The following TENM2 variants were observed in gnomAD, a reference collection of about 807,000 sequenced individuals.
TENM2 encodes teneurin transmembrane protein 2, also known as teneurin-2.
A neutral mutation model predicts 245.2 loss-of-function variants in TENM2; 52 were observed. That is an observed-to-expected ratio of 0.21 (90% CI 0.17 to 0.27). TENM2 has a LOEUF of 0.27. Among genes scored for constraint, TENM2 ranks in the 10% least tolerant of loss-of-function variants. The pLI is 1.00. For synonymous variants in TENM2, 1,363 were observed against 1,438.9 expected, an observed-to-expected ratio of 0.95 and a Z score of 1.19; for missense variants, 3,046 against 3,666.8, an observed-to-expected ratio of 0.83 and a Z score of 4.37.
intron 3 of TENM2, among the ~76,000 whole-genome samples, chr5:167,902,535 G>T (rs1371256502): frequency 6.6e-6 from 1 of 152,184 alleles, no homozygotes; most frequent in African/African-American, 2.4e-5. Flanking sequence ...TCCTGGGGCT[G>T]CCCCAGCCTA....
intron 2 of TENM2, among the ~76,000 whole-genome samples, chr5:167,590,318 TA>T (rs1018628562): frequency 2.0e-5 from 3 of 152,000 alleles, no homozygotes; most frequent in South Asian, 2.1e-4. Flanking sequence ...TTCTCAGCTT[TA>T]AAAAAAATCC....
chr5:167,939,395 A>C (rs74792889), intron 3 of TENM2, among the ~76,000 whole-genome samples: 2,067 of 152,114 alleles, frequency 0.014, 32 homozygotes, highest in East Asian at 0.084. Flanking sequence ...CCCTCTGCTC[A>C]CCTCCTACTA....
intron 2 of TENM2, among the ~76,000 whole-genome samples, chr5:167,392,816 T>C (rs1761834625): frequency 6.6e-6 from 1 of 152,182 alleles, no homozygotes; most frequent in Admixed American, 6.5e-5. Context: ...ATTTATTTAG[T>C]TAGTTATTGG....
the TENM2 span, among the ~76,000 whole-genome samples, chr5:167,040,187 C>T: frequency 6.6e-6 from 1 of 151,994 alleles, no homozygotes; most frequent in Non-Finnish European, 1.5e-5. Flanking sequence ...TGCTTTACAA[C>T]AAAACTTTCT....
At chr5:168,014,898 T>A (rs1049434547) in intron 5 of TENM2, among the ~76,000 whole-genome samples, 1 of 152,186 alleles carries the variant, frequency 6.6e-6, no homozygotes, top group Admixed American at 6.5e-5. Context: ...AAGCAGTTCA[T>A]GAGGCTGAAG....
At chr5:167,320,963 A>G (rs946224563) in intron 1 of TENM2, among the ~76,000 whole-genome samples, 1 of 152,112 alleles carries the variant, frequency 6.6e-6, no homozygotes, top group South Asian at 2.1e-4. Flanking sequence ...AAACACTAAA[A>G]TCTAGAACAT....
intron 4 of TENM2, among the ~76,000 whole-genome samples, chr5:167,989,293 AGAGAG>A (rs1783488873): frequency 2.0e-5 from 3 of 151,426 alleles, no homozygotes; most frequent in African/African-American, 7.4e-5. Flanking sequence ...AGAGAGAGAG[AGAGAG>A]AGATAGATAG....
At chr5:167,170,400 G>A in the TENM2 span, among the ~76,000 whole-genome samples, 52 of 152,248 alleles carry the variant, frequency 3.4e-4, no homozygotes, top group African/African-American at 1.2e-3. Flanking sequence ...TTCCACATAA[G>A]AAGACAAAAT....
chr5:168,261,600 A>G (rs537029344), intron 28 of TENM2, among the ~76,000 whole-genome samples: 15 of 152,344 alleles, frequency 9.8e-5, no homozygotes, highest in Middle Eastern at 6.8e-3. Flanking sequence ...TCTAGCTTAC[A>G]GTGGTGGGGT....
chr5:167,277,691 ATT>A, the TENM2 span, among the ~76,000 whole-genome samples: 1 of 152,142 alleles, frequency 6.6e-6, no homozygotes. Context: ...TATTCTATTA[ATT>A]TTGAAGACCT....
At chr5:167,382,033 T>C (rs1311289402) in intron 2 of TENM2, among the ~76,000 whole-genome samples, 1 of 152,146 alleles carries the variant, frequency 6.6e-6, no homozygotes, top group East Asian at 1.9e-4. Flanking sequence ...TTTTCCGAAG[T>C]AGTAGATGCC....
intron 2 of TENM2, among the ~76,000 whole-genome samples, chr5:167,596,615 A>G (rs1476259246): frequency 6.6e-6 from 1 of 152,016 alleles, no homozygotes; most frequent in Non-Finnish European, 1.5e-5. Flanking sequence ...AACGTGGTGA[A>G]ACACCCCCGT....
At chr5:167,249,832 A>AT in the TENM2 span, among the ~76,000 whole-genome samples, 134,228 of 152,084 alleles carry the variant, frequency 0.88, 59,768 homozygotes, top group Non-Finnish European at 0.94. Flanking sequence ...GTGTTTCTCT[A>AT]TGATAGACAG....
chr5:167,288,025 C>T (rs1378495099), intron 1 of TENM2, among the ~76,000 whole-genome samples: 1 of 152,124 alleles, frequency 6.6e-6, no homozygotes, highest in Non-Finnish European at 1.5e-5. Flanking sequence ...TAATGAAGGT[C>T]GGCCAAGTTC....
intron 7 of TENM2, among the ~76,000 whole-genome samples, chr5:168,063,110 GT>G (rs764982532): frequency 1.3e-5 from 2 of 152,154 alleles, no homozygotes. Context: ...GGTACTTTCT[GT>G]TCAGATGTTC....
the TENM2 span, among the ~76,000 whole-genome samples, chr5:167,106,979 T>C: frequency 6.6e-6 from 1 of 151,424 alleles, no homozygotes; most frequent in Non-Finnish European, 1.5e-5. Flanking sequence ...GCGCGGTGGC[T>C]CATGCCTGTA....
At chr5:167,488,950 G>A (rs563766046) in intron 2 of TENM2, among the ~76,000 whole-genome samples, 17 of 152,134 alleles carry the variant, frequency 1.1e-4, no homozygotes, top group Non-Finnish European at 2.1e-4. Flanking sequence ...TTTGTGCCCT[G>A]TCTGCCTGCC....
intron 27 of TENM2, among the ~76,000 whole-genome samples, chr5:168,250,024 G>T (rs1432150884): frequency 6.6e-6 from 1 of 152,140 alleles, no homozygotes; most frequent in Non-Finnish European, 1.5e-5. Flanking sequence ...TCAGGGAAAT[G>T]AGCAAGGAAA....
chr5:168,004,515 GCGCACA>G (rs1314827090), intron 5 of TENM2, among the ~76,000 whole-genome samples: 23 of 73,696 alleles, frequency 3.1e-4, no homozygotes, highest in African/African-American at 1.2e-3. Context: ...ATGCGCGCGC[GCGCACA>G]CACACACACA....
Sources: allele counts gnomAD v4.1 joint callset (sites outside exome capture counted in the v4.1 genomes callset), GRCh38; gene constraint gnomAD v4.1.1; transcripts MANE v1.5; gene names NCBI Gene and HGNC (gene_info 2026-07-23, HGNC 2026-07-21).